The following RAD51B variants were observed in gnomAD, a reference collection of about 807,000 sequenced individuals.
RAD51B encodes the protein RAD51 paralog B, also known as DNA repair protein RAD51 homolog 2.
RAD51B carries 38 observed loss-of-function variants against 42.2 expected under a neutral mutation model. The observed-to-expected ratio is 0.90, with a 90% CI of 0.70 to 1.18. The LOEUF is 1.18. RAD51B is among the 50% of genes most tolerant of loss of function. The pLI is 0.00. For synonymous variants in RAD51B, 154 were observed against 145.2 expected, an observed-to-expected ratio of 1.06 and a Z score of -0.43; for missense variants, 373 against 400.7, an observed-to-expected ratio of 0.93 and a Z score of 0.59.
intron 9 of RAD51B, among the ~76,000 whole-genome samples, chr14:68,446,983 G>A (rs570989783): frequency 6.6e-6 from 1 of 152,174 alleles, no homozygotes; most frequent in Non-Finnish European, 1.5e-5. Context: ...TTAGGAGGCC[G>A]AGGCGGGCGG....
intron 9 of RAD51B, among the ~76,000 whole-genome samples, chr14:68,424,042 A>G (rs1339114693): frequency 6.6e-6 from 1 of 152,186 alleles, no homozygotes; most frequent in Non-Finnish European, 1.5e-5. Flanking sequence ...AAGAAGAAAG[A>G]GAAGTCTCTG....
At chr14:68,540,453 T>C (rs1034047552) in intron 10 of RAD51B, 2 of 985,240 alleles carry the variant, frequency 2.0e-6, no homozygotes, top group Admixed American at 1.2e-4. Flanking sequence ...CTTCCCAAGA[T>C]CTTACTCTTC....
intron 4 of RAD51B, among the ~76,000 whole-genome samples, chr14:67,860,378 CTT>C (rs969138944): frequency 9.9e-5 from 15 of 152,096 alleles, no homozygotes; most frequent in African/African-American, 3.6e-4. Flanking sequence ...AAATAAGTGA[CTT>C]TATGAATACA....
chr14:68,025,383 T>C (rs1177533334), intron 7 of RAD51B, among the ~76,000 whole-genome samples: 2 of 152,026 alleles, frequency 1.3e-5, no homozygotes, highest in Non-Finnish European at 2.9e-5. Context: ...GGAGTCCCTC[T>C]TCCTCAATTT....
chr14:68,517,486 G>T (rs1886244561), intron 10 of RAD51B, among the ~76,000 whole-genome samples: 1 of 152,014 alleles, frequency 6.6e-6, no homozygotes, highest in South Asian at 2.1e-4. Context: ...ATAACATCTT[G>T]GTATTATTAT....
chr14:68,075,413 G>T (rs1428093819), intron 7 of RAD51B, among the ~76,000 whole-genome samples: 1 of 152,320 alleles, frequency 6.6e-6, no homozygotes, highest in Admixed American at 6.5e-5. Flanking sequence ...CAGAGCTGTT[G>T]CCAGTGGGAA....
At chr14:68,557,063 A>T (rs72729521) in intron 10 of RAD51B, among the ~76,000 whole-genome samples, 32,516 of 152,050 alleles carry the variant, frequency 0.21, 3,864 homozygotes, top group Middle Eastern at 0.35. Context: ...TTGGCTGGCC[A>T]CCTGGAAGCA....
chr14:68,274,821 T>G (rs2081189096), intron 7 of RAD51B, among the ~76,000 whole-genome samples: 1 of 152,220 alleles, frequency 6.6e-6, no homozygotes, highest in Non-Finnish European at 1.5e-5. Flanking sequence ...CTGCTAGATC[T>G]TATATTTCCC....
At chr14:68,333,597 T>C (rs890053042) in intron 8 of RAD51B, among the ~76,000 whole-genome samples, 1 of 152,262 alleles carries the variant, frequency 6.6e-6, no homozygotes, top group Non-Finnish European at 1.5e-5. Context: ...ACAAAGGCTA[T>C]ATTTATTTTT....
intron 7 of RAD51B, among the ~76,000 whole-genome samples, chr14:67,976,907 A>G (rs111283334): frequency 0.18 from 27,007 of 152,162 alleles, 2,599 homozygotes; most frequent in Middle Eastern, 0.36. Context: ...TGGGCGAAGG[A>G]TATGAACAGA....
intron 7 of RAD51B, among the ~76,000 whole-genome samples, chr14:68,203,717 G>A (rs749303105): frequency 8.5e-5 from 13 of 152,144 alleles, no homozygotes; most frequent in Non-Finnish European, 1.3e-4. Context: ...TAGTTGAGTC[G>A]CCTTCATCAA....
intron 11 of RAD51B, among the ~76,000 whole-genome samples, chr14:68,659,261 G>A (rs1484147201): frequency 6.6e-6 from 1 of 152,246 alleles, no homozygotes; most frequent in Non-Finnish European, 1.5e-5. Flanking sequence ...CTTCTGGTCT[G>A]TCTTCATTCA....
At chr14:68,039,984 A>G (rs953145241) in intron 7 of RAD51B, among the ~76,000 whole-genome samples, 1 of 152,234 alleles carries the variant, frequency 6.6e-6, no homozygotes, top group African/African-American at 2.4e-5. Context: ...TAATTCTGTT[A>G]TCTACCCACT....
chr14:67,902,466 T>G (rs1318439782), intron 7 of RAD51B, among the ~76,000 whole-genome samples: 2 of 152,334 alleles, frequency 1.3e-5, no homozygotes, highest in East Asian at 3.9e-4. Flanking sequence ...GCTCAGATAA[T>G]GCACTTAACT....
At chr14:68,363,047 CT>C (rs11334092) in intron 8 of RAD51B, among the ~76,000 whole-genome samples, 16,850 of 152,102 alleles carry the variant, frequency 0.11, 1,298 homozygotes, top group East Asian at 0.39. Context: ...TAGGCGGAGC[CT>C]TTGTGCACTG....
chr14:68,072,336 C>T (rs578038467), intron 7 of RAD51B, among the ~76,000 whole-genome samples: 10 of 150,876 alleles, frequency 6.6e-5, no homozygotes, highest in East Asian at 1.9e-4. Context: ...CACAAGGTCC[C>T]GCAATAGGCT....
rs561956557 is a variant in RAD51B, at chr14:67,831,135, A to G, written c.199-3945A>G. 2.9e-3 allele frequency among the ~76,000 whole-genome samples: 448 copies of G among 152,210 alleles called. 1 individual carries two copies. The highest frequency in any genetic ancestry group is 5.3e-3 in the Non-Finnish European group (361 of 67,986). On this transcript the variant is annotated intron_variant, in intron 3 of 10. Transcript: ENST00000471583. ...GGTGATCCACCTGCCTCAGCCTCCCAAAGTGCCGGGATTACAGGCGTGAAC... is the reference window on the plus strand; with the variant it reads ...GGTGATCCACCTGCCTCAGCCTCCCGAAGTGCCGGGATTACAGGCGTGAAC...
At chr14:68,000,601 G>T (rs2075463604) in intron 7 of RAD51B, among the ~76,000 whole-genome samples, 1 of 151,966 alleles carries the variant, frequency 6.6e-6, no homozygotes, top group South Asian at 2.1e-4. Flanking sequence ...TTAAAAATCA[G>T]CTGGCTTCTT....
At chr14:68,248,395 C>T (rs1434475396) in intron 7 of RAD51B, among the ~76,000 whole-genome samples, 1 of 152,002 alleles carries the variant, frequency 6.6e-6, no homozygotes, top group Non-Finnish European at 1.5e-5. Context: ...CCATTCAATT[C>T]AAATGAGAAG....
Sources: allele counts gnomAD v4.1 joint callset (sites outside exome capture counted in the v4.1 genomes callset), GRCh38; gene constraint gnomAD v4.1.1; transcripts MANE v1.5; gene names NCBI Gene and HGNC (gene_info 2026-07-23, HGNC 2026-07-21).